Variants in TNNI1 observed in about 807,000 individuals in gnomAD.
The protein encoded by TNNI1 is troponin I1, slow skeletal type.
TNNI1 carries 14 observed loss-of-function variants against 26.7 expected under a neutral mutation model. That is an observed-to-expected ratio of 0.52 (90% CI 0.35 to 0.82). The LOEUF (loss-of-function observed/expected upper bound fraction) is 0.82, where lower values mean the gene tolerates loss of function less well. TNNI1 is among the 40% of genes least tolerant of loss of function. TNNI1 has a pLI of 0.01. For missense variants in TNNI1, 164 were observed against 257.0 expected (o/e 0.64, Z 2.47); for synonymous variants, 79 against 98.2 (o/e 0.80, Z 1.16).
At chr1:201,415,864 G>T (rs949984298) in intron 3 of TNNI1, among the ~76,000 whole-genome samples, 1 of 152,060 alleles carries the variant, frequency 6.6e-6, no homozygotes, top group East Asian at 1.9e-4. Context: ...ACATGTTCTT[G>T]CTTACTAGTC....
At chr1:201,415,311 T>A in intron 3 of TNNI1, 57 bp from the exon 4 acceptor site, 1 of 1,584,414 alleles carries the variant, frequency 6.3e-7, no homozygotes, top group Non-Finnish European at 8.7e-7. Context: ...GAACTGGAAT[T>A]CTGGTCTAGG....
rs1006008730 is a variant in TNNI1, at chr1:201,407,253, C to T, written c.*2000G>A. ...GGCATGAAGGCATGAAGCCTAACCC[C>T]ATCCTCTGTGGCCTGGACCAGCCCT... is the stretch of plus-strand genomic sequence containing the variant. On this transcript the variant is annotated 3_prime_UTR_variant, in exon 9 of 9. Transcript: ENST00000361379. 2.0e-5 allele frequency: 3 copies of T among 152,262 alleles called. No homozygotes were observed. The highest frequency in any genetic ancestry group is 4.4e-5 in the Non-Finnish European group (3 of 68,070). The allele number at this position is 152,262 out of a possible 1,614,324, so 9.4% of individuals were successfully genotyped here.
intron 5 of TNNI1, 38 bp downstream of exon 5, chr1:201,414,480 C>G: frequency 6.6e-7 from 1 of 1,504,946 alleles, no homozygotes; most frequent in Non-Finnish European, 8.9e-7. Flanking sequence ...CACAGCACCT[C>G]CAGCCCCACC....
In TNNI1 at chr1:201,408,356, ACAGGAGAGCC is replaced by A. The variant is rs1662564793; in HGVS notation, c.*887_*896del. 6.5e-6 allele frequency: 1 copy of A among 152,984 alleles called. No homozygotes were observed. Among genetic ancestry groups the A allele is most frequent in the Admixed American group, 6.5e-5 (1 of 15,288 alleles). 9.5% of individuals were successfully genotyped at this position (152,984 alleles called of 1,614,324 possible). ...CGTGGGGAGAGCAGAGGCCGGAGGG[ACAGGAGAGCC>A]CAGGAGAGAAGGAAGGCGTCACCTG... On this transcript the variant is annotated 3_prime_UTR_variant, in exon 9 of 9. Coordinates refer to ENST00000361379, the MANE Select transcript of TNNI1 (RefSeq NM_003281.4).
chr1:201,417,495 T>A (rs547734211), intron 2 of TNNI1, among the ~76,000 whole-genome samples: 1 of 152,188 alleles, frequency 6.6e-6, no homozygotes, highest in East Asian at 1.9e-4. Context: ...GCACCAGTGT[T>A]AAGTGGTGGC....
At chr1:201,418,264 T>A (rs1320836761) in intron 1 of TNNI1, among the ~76,000 whole-genome samples, 1 of 150,236 alleles carries the variant, frequency 6.7e-6, no homozygotes, top group Non-Finnish European at 1.5e-5. Context: ...AGGTAAGGAG[T>A]TCAAGACCAG....
rs1015668403 is a variant in TNNI1 at position 201,410,197 on chromosome 1, A to G, written c.*2+129T>C. Reference sequence around the variant, plus strand: ...GAGCCCAGGAGAGCCGACTCAAATCAGTCTCATCGGTGCCTTAGTCCGTGC... The same window carrying G: ...GAGCCCAGGAGAGCCGACTCAAATCGGTCTCATCGGTGCCTTAGTCCGTGC... On this transcript the variant is annotated intron_variant, in intron 8 of 8. Transcript: ENST00000361379. 217 of 722,160 alleles carry G rather than the reference A, an allele frequency of 3.0e-4. 1 individual carries two copies. The highest frequency in any genetic ancestry group is 2.3e-4 in the Non-Finnish European group (97 of 424,428). 44.7% of individuals were successfully genotyped at this position (722,160 alleles called of 1,614,324 possible). A position where few individuals can be genotyped will look rare whatever the true frequency, so the allele number is the denominator to read the frequency against.
At chr1:201,415,021 C>T (rs1166159311) in intron 4 of TNNI1, among the ~76,000 whole-genome samples, 192 bp downstream of exon 4, 1 of 152,258 alleles carries the variant, frequency 6.6e-6, no homozygotes, top group Non-Finnish European at 1.5e-5. Flanking sequence ...AGAATCCATA[C>T]TCGAGGATCC....
chr1:201,408,340 A>C lies in TNNI1; in HGVS notation c.*913T>G, dbSNP rs1228015550. 6.5e-6 allele frequency: 1 copy of C among 152,762 alleles called. No homozygotes were observed. Among genetic ancestry groups the C allele is most frequent in the Admixed American group, 6.5e-5 (1 of 15,272 alleles). The allele number at this position is 152,762 out of a possible 1,614,324, so 9.5% of individuals were successfully genotyped here. A position where few individuals can be genotyped will look rare whatever the true frequency, so the allele number is the denominator to read the frequency against. ...GAGGAGGGTGGGTGAACGTGGGGAG[A>C]GCAGAGGCCGGAGGGACAGGAGAGC... On this transcript the variant is annotated 3_prime_UTR_variant, in exon 9 of 9. Coordinates refer to ENST00000361379, the MANE Select transcript of TNNI1 (RefSeq NM_003281.4).
At chr1:201,418,602 G>C (rs1662797556) in intron 1 of TNNI1, among the ~76,000 whole-genome samples, 1 of 152,228 alleles carries the variant, frequency 6.6e-6, no homozygotes, top group Admixed American at 6.5e-5. Context: ...CCTAGAAAGT[G>C]AATGAGCAGA....
Position 201,415,258 on chromosome 1 carries a change from T to A in TNNI1, c.16-4A>T. ...AGGCAGTGATCTTGGGTTTTCTCTG[T>A]GGGCAAGAAGAGAGAGAGACAGGTG... is the stretch of plus-strand genomic sequence containing the variant. On this transcript the variant is annotated splice_region_variant and splice_polypyrimidine_tract_variant and intron_variant, in intron 3 of 8. Transcript: ENST00000361379. The A allele has an allele frequency of 1.2e-6, 2 of 1,614,092 alleles. No individual in the cohort carries two copies. The highest frequency in any genetic ancestry group is 1.7e-5 in the Admixed American group (1 of 60,020).
intron 1 of TNNI1, among the ~76,000 whole-genome samples, chr1:201,420,892 G>A (rs908501446): frequency 5.3e-5 from 8 of 152,104 alleles, no homozygotes; most frequent in Admixed American, 6.5e-5. Context: ...GTCAGGGACC[G>A]CCACACGGCC....
intron 7 of TNNI1, among the ~76,000 whole-genome samples, chr1:201,410,868 C>T (rs1299057701): frequency 6.6e-6 from 1 of 152,218 alleles, no homozygotes; most frequent in Non-Finnish European, 1.5e-5. Flanking sequence ...AGAGACTGTT[C>T]CTTCATCCCT....
At chr1:201,417,221 T>C (rs565311068) in intron 2 of TNNI1, 102 bp from the exon 3 acceptor site, 2 of 1,518,528 alleles carry the variant, frequency 1.3e-6, no homozygotes, top group South Asian at 2.2e-5. Context: ...ACAGACCAGC[T>C]TGGGGGAGGA....
rs1662567536 is a variant in TNNI1, at chr1:201,408,472, T to G, written c.*781A>C. 6.6e-6 allele frequency: 1 copy of G among 152,256 alleles called. No individual in the cohort carries two copies. Among genetic ancestry groups the G allele is most frequent in the African/African-American group, 2.4e-5 (1 of 41,448 alleles). 9.4% of individuals were successfully genotyped at this position (152,256 alleles called of 1,614,324 possible). On this transcript the variant is annotated 3_prime_UTR_variant, in exon 9 of 9. Coordinates refer to ENST00000361379, the MANE Select transcript of TNNI1 (RefSeq NM_003281.4). ...GCAGGACTAGGTGAGGGATTGAAAG[T>G]GCCCTGACCTCTCAACCCAGCACAC...
chr1:201,418,647 A>C (rs1382783621), intron 1 of TNNI1, among the ~76,000 whole-genome samples: 2 of 152,184 alleles, frequency 1.3e-5, no homozygotes, highest in Admixed American at 1.3e-4. Context: ...GCCACATGGC[A>C]CAACTCCATC....
intron 5 of TNNI1, 147 bp from the exon 6 acceptor site, chr1:201,413,268 G>A (rs747071246): frequency 9.0e-6 from 7 of 781,850 alleles, no homozygotes; most frequent in South Asian, 4.6e-5. Flanking sequence ...GGCTCATGAC[G>A]GGCAATAGCT....
chr1:201,411,634 C>T lies in TNNI1; in HGVS notation c.280-101G>A, dbSNP rs1037377006. 1.1e-4 allele frequency: 136 copies of T among 1,244,330 alleles called. No homozygotes were observed. Among genetic ancestry groups the T allele is most frequent in the Middle Eastern group, 5.2e-4 (2 of 3,814 alleles). The allele number at this position is 1,244,330 out of a possible 1,614,324, so 77.1% of individuals were successfully genotyped here. A position where few individuals can be genotyped will look rare whatever the true frequency, so the allele number is the denominator to read the frequency against. ...GCTAGGGTTCCAGCCAGAGATACAC[C>T]TTAAATTGTCCACCCTTGAAGCCAG... On this transcript the variant is annotated intron_variant, in intron 6 of 8. Coordinates refer to ENST00000361379, the MANE Select transcript of TNNI1 (RefSeq NM_003281.4). This position sits in a 1 kb window ranked among gnomAD's most constrained non-coding sequence, Gnocchi z 4.6.
At position 201,411,354 on chromosome 1, in the gene TNNI1, C is replaced by T; in HGVS notation, c.456+3G>A. ...TGGAATGTTCTGAGGAAAGGGACCTCACCTTCTCTGTGTCTTCCTTCTTCA... is the reference window on the plus strand; with the variant it reads ...TGGAATGTTCTGAGGAAAGGGACCTTACCTTCTCTGTGTCTTCCTTCTTCA... On this transcript the variant is annotated splice_donor_region_variant and intron_variant, in intron 7 of 8. Transcript: ENST00000361379. The surrounding 1 kb of genome is among the most constrained non-coding windows in gnomAD (Gnocchi z 4.6). The T allele has an allele frequency of 6.2e-7, 1 of 1,613,638 alleles. No individual in the cohort carries two copies. The highest frequency in any genetic ancestry group is 8.5e-7 in the Non-Finnish European group (1 of 1,179,802).
Sources: allele counts gnomAD v4.1 joint callset (sites outside exome capture counted in the v4.1 genomes callset), GRCh38; gene constraint gnomAD v4.1.1; non-coding constraint Gnocchi (gnomAD v3.1); transcripts MANE v1.5; gene names NCBI Gene and HGNC (gene_info 2026-07-23, HGNC 2026-07-21).